ATAD2B: variants seen among roughly 807,000 people sequenced by gnomAD.
ATAD2B encodes ATPase family AAA domain-containing protein 2B.
ATAD2B carries 40 observed loss-of-function variants against 167.6 expected under a neutral mutation model. The ratio of observed to expected loss-of-function variants is 0.24; its 90% CI spans 0.19 to 0.31. ATAD2B has a LOEUF of 0.31. Among genes scored for constraint, ATAD2B ranks in the 10% least tolerant of loss-of-function variants. The pLI, the probability that ATAD2B is intolerant of heterozygous loss-of-function variation, is 1.00. For missense variants in ATAD2B, 1,242 were observed against 1,757.2 expected (o/e 0.71, Z 5.24); for synonymous variants, 579 against 596.5 (o/e 0.97, Z 0.43).
In ATAD2B at chr2:23,897,012, C is replaced by G. The variant is rs1031171085; in HGVS notation, c.217-1042G>C. Among the ~76,000 whole-genome samples the G allele has an allele frequency of 5.9e-5, 9 of 152,238 alleles. No homozygotes were observed. In the East Asian group the frequency reaches 1.7e-3, roughly 29 times the overall value. On this transcript the variant is annotated intron_variant, in intron 1 of 27. Transcript: ENST00000238789. The stretch of plus-strand genomic sequence containing the variant: ...AGGTGTGGTGGTACATGCCTATAAT[C>G]CCAGCTACTCGGGAGGCTGAAGCAC...
rs144290436 is a variant in ATAD2B at position 23,819,297 on chromosome 2, C to T, written c.2267+450G>A. 1.5e-3 allele frequency among the ~76,000 whole-genome samples: 233 copies of T among 152,208 alleles called. 1 individual carries two copies. Among genetic ancestry groups the T allele is most frequent in the Middle Eastern group, 0.014 (4 of 294 alleles). The stretch of plus-strand genomic sequence containing the variant: ...AAGAGCACCTGAGATTCGAGACCAG[C>T]CTGGACAACATAGTGAAACCCCATC... On this transcript the variant is annotated intron_variant, in intron 17 of 27. Transcript: ENST00000238789.
At chr2:23,837,282 G>GA (rs1690149344) in intron 13 of ATAD2B, among the ~76,000 whole-genome samples, 2 of 152,226 alleles carry the variant, frequency 1.3e-5, no homozygotes, top group South Asian at 4.1e-4. Flanking sequence ...CAGGAGTGGG[G>GA]AGAGGCCAGG....
At chr2:23,687,564 G>A in the ATAD2B span, among the ~76,000 whole-genome samples, 22 of 152,236 alleles carry the variant, frequency 1.4e-4, no homozygotes, top group Non-Finnish European at 2.4e-4. Flanking sequence ...TGAGCCCACA[G>A]TCTGGTGGGG....
intron 8 of ATAD2B, among the ~76,000 whole-genome samples, chr2:23,870,837 A>G (rs1330594810): frequency 6.6e-6 from 1 of 152,146 alleles, no homozygotes; most frequent in Non-Finnish European, 1.5e-5. Context: ...ATTTTGAAGA[A>G]AAAAATAGTT....
At chr2:23,843,167 A>G (rs949510224) in intron 13 of ATAD2B, among the ~76,000 whole-genome samples, 2 of 152,226 alleles carry the variant, frequency 1.3e-5, no homozygotes, top group Non-Finnish European at 2.9e-5. Flanking sequence ...ACAATGAAAA[A>G]CAATCAAATG....
At chr2:23,768,173 ATACT>A (rs1190471662) in intron 22 of ATAD2B, among the ~76,000 whole-genome samples, 2 of 152,136 alleles carry the variant, frequency 1.3e-5, no homozygotes, top group Admixed American at 6.5e-5. Context: ...TAAGTTGCTC[ATACT>A]TAAAGTATAC....
chr2:23,816,101 GAT>G (rs1000351481), intron 17 of ATAD2B, among the ~76,000 whole-genome samples: 24 of 152,158 alleles, frequency 1.6e-4, no homozygotes, highest in African/African-American at 4.3e-4. Context: ...TAAACAAAAA[GAT>G]ATTATATTCA....
intron 1 of ATAD2B, among the ~76,000 whole-genome samples, chr2:23,900,167 C>T (rs1447356644): frequency 3.3e-5 from 5 of 152,026 alleles, no homozygotes; most frequent in East Asian, 1.9e-4. Context: ...CTGCCAGCCT[C>T]GGCCTCCGAA....
At chr2:23,737,695 G>T in the ATAD2B span, among the ~76,000 whole-genome samples, 3 of 152,214 alleles carry the variant, frequency 2.0e-5, no homozygotes, top group Admixed American at 1.3e-4. Flanking sequence ...AAAGCTGGAC[G>T]CAGAATGACT....
At chr2:23,908,932 GA>G (rs1701861472) in intron 1 of ATAD2B, among the ~76,000 whole-genome samples, 1 of 143,296 alleles carries the variant, frequency 7.0e-6, no homozygotes, top group African/African-American at 2.6e-5. Context: ...GGTGGGAATT[GA>G]ACAATGATAA....
chr2:23,829,976 T>C (rs1663787240), intron 14 of ATAD2B, among the ~76,000 whole-genome samples: 1 of 138,050 alleles, frequency 7.2e-6, no homozygotes, highest in Non-Finnish European at 1.6e-5. Flanking sequence ...AGAAATTTAT[T>C]TTTCTAAAAT....
At chr2:23,776,197 A>G (rs1330202209) in intron 22 of ATAD2B, among the ~76,000 whole-genome samples, 1 of 152,224 alleles carries the variant, frequency 6.6e-6, no homozygotes, top group African/African-American at 2.4e-5. Context: ...CCCAAATTGA[A>G]TTTGACATCC....
At chr2:23,792,204 C>T (rs773308192) in intron 19 of ATAD2B, among the ~76,000 whole-genome samples, 43 of 151,772 alleles carry the variant, frequency 2.8e-4, no homozygotes, top group Non-Finnish European at 4.4e-4. Flanking sequence ...CGTGCCACCA[C>T]GCCCAGCCTA....
intron 7 of ATAD2B, among the ~76,000 whole-genome samples, chr2:23,879,029 G>A (rs1410894193): frequency 6.6e-6 from 1 of 152,152 alleles, no homozygotes; most frequent in Non-Finnish European, 1.5e-5. Flanking sequence ...CAAGAATACA[G>A]AGCAACTACA....
intron 2 of ATAD2B, among the ~76,000 whole-genome samples, chr2:23,891,227 C>T (rs999313399): frequency 2.4e-4 from 36 of 152,044 alleles, no homozygotes; most frequent in African/African-American, 8.7e-4. Flanking sequence ...ACCATGTTGG[C>T]CAGGCTGATC....
In ATAD2B at chr2:23,754,721, T is replaced by C. The variant is rs779454076; in HGVS notation, c.4132A>G (p.Thr1378Ala). Residue 1378 changes from threonine (T) to alanine (A), a missense_variant, in exon 26 of 28, where the codon ACA (threonine) becomes GCA (alanine). Thr to Ala is a moderately conservative substitution (Grantham distance 58, BLOSUM62 0). Coordinates refer to ENST00000238789, the MANE Select transcript of ATAD2B (RefSeq NM_017552.4). ...RKLILEQAKT[T>A]SLELVPEEPS... ...TCTTCTGGAACCAGTTCCAGGCTTG[T>C]CGTTTTTGCCTGCTCTAAAATTAAT... 5 of 1,613,072 alleles carry C rather than the reference T, an allele frequency of 3.1e-6. No individual in the cohort carries two copies. Among genetic ancestry groups the C allele is most frequent in the Non-Finnish European group, 3.4e-6 (4 of 1,179,296 alleles).
intron 22 of ATAD2B, among the ~76,000 whole-genome samples, chr2:23,770,542 C>A (rs886420658): frequency 6.6e-6 from 1 of 152,146 alleles, no homozygotes; most frequent in African/African-American, 2.4e-5. Context: ...CTTCTGCATA[C>A]AAAGTCTTTT....
chr2:23,700,498 A>G, the ATAD2B span, among the ~76,000 whole-genome samples: 1 of 152,134 alleles, frequency 6.6e-6, no homozygotes, highest in South Asian at 2.1e-4. This position sits in a 1 kb window ranked among gnomAD's most constrained non-coding sequence, Gnocchi z 4.6. Context: ...TTCCAACTCC[A>G]TGTTCAGCAA....
chr2:23,743,407 A>G, the ATAD2B span, among the ~76,000 whole-genome samples: 1 of 151,992 alleles, frequency 6.6e-6, no homozygotes, highest in Non-Finnish European at 1.5e-5. Context: ...TCTCTGCGAA[A>G]TAAAAATAAA....
Sources: allele counts gnomAD v4.1 joint callset (sites outside exome capture counted in the v4.1 genomes callset), GRCh38; gene constraint gnomAD v4.1.1; non-coding constraint Gnocchi (gnomAD v3.1); transcripts MANE v1.5; gene names NCBI Gene and HGNC (gene_info 2026-07-23, HGNC 2026-07-21).